The following IFT88 variants were observed in gnomAD, a reference collection of about 807,000 sequenced individuals.
IFT88 encodes the protein intraflagellar transport 88, also known as intraflagellar transport protein 88 homolog.
Under a neutral mutation model 119.5 loss-of-function variants are expected in IFT88, and 74 were observed. The observed-to-expected ratio is 0.62, with a 90% CI of 0.51 to 0.75. The LOEUF (loss-of-function observed/expected upper bound fraction) is 0.75. Among genes scored for constraint, IFT88 ranks in the 30% least tolerant of loss-of-function variants. The pLI is 0.00. For synonymous variants in IFT88, 279 were observed against 316.7 expected, an observed-to-expected ratio of 0.88 and a Z score of 1.26; for missense variants, 961 against 977.7, an observed-to-expected ratio of 0.98 and a Z score of 0.23.
chr13:20,633,515 C>T (rs1385542239), intron 16 of IFT88, among the ~76,000 whole-genome samples: 2 of 152,228 alleles, frequency 1.3e-5, no homozygotes, highest in Admixed American at 6.5e-5. Flanking sequence ...AAGTCCATGG[C>T]GTGAAGCATG....
intron 15 of IFT88, among the ~76,000 whole-genome samples, chr13:20,630,601 T>C (rs1231618590): frequency 1.3e-5 from 2 of 152,114 alleles, no homozygotes; most frequent in Non-Finnish European, 2.9e-5. Context: ...GTCTCACGCC[T>C]ATGCCCAGTC....
chr13:20,574,510 G>C (rs980572606), intron 2 of IFT88, 35 bp downstream of exon 2: 1 of 1,165,236 alleles, frequency 8.6e-7, no homozygotes, highest in African/African-American at 1.5e-5. Context: ...CATTGGTCTT[G>C]GTTAACCAGC....
chr13:20,567,579 C>A, intron 1 of IFT88: 1 of 231,124 alleles, frequency 4.3e-6, no homozygotes, highest in Non-Finnish European at 7.3e-6. Flanking sequence ...TCACGCCTGA[C>A]GGGGAAACTT....
At chr13:20,658,202 T>C in intron 22 of IFT88, among the ~76,000 whole-genome samples, 1 of 151,916 alleles carries the variant, frequency 6.6e-6, no homozygotes, top group Non-Finnish European at 1.5e-5. Context: ...GTTGAAGAGA[T>C]TCTCCTGCTT....
At chr13:20,670,108 A>T (rs1490435728) in intron 23 of IFT88, among the ~76,000 whole-genome samples, 1 of 152,170 alleles carries the variant, frequency 6.6e-6, no homozygotes, top group Non-Finnish European at 1.5e-5. Context: ...GAGTTAAATA[A>T]TTTGTCTTTT....
chr13:20,645,561 C>G (rs898222025), intron 20 of IFT88, among the ~76,000 whole-genome samples: 8 of 152,090 alleles, frequency 5.3e-5, no homozygotes, highest in African/African-American at 1.9e-4. Flanking sequence ...CAGAAAATGA[C>G]TTATCTCAGT....
intron 20 of IFT88, among the ~76,000 whole-genome samples, chr13:20,646,526 G>C (rs1453006243): frequency 2.6e-5 from 4 of 151,878 alleles, no homozygotes; most frequent in Non-Finnish European, 5.9e-5. Context: ...CCATGTTGGT[G>C]AGGCTGGTCT....
Position 20,589,790 on chromosome 13 carries a change from A to G in IFT88, c.154-21A>G, listed in dbSNP as rs200515160. 40 of 1,561,160 alleles carry G rather than the reference A, an allele frequency of 2.6e-5. No homozygotes were observed. In the East Asian group the frequency reaches 5.2e-4, roughly 20 times the overall value. ...TAGCTCAGTCTGAATCCTGTTAACT[A>G]TGTTCTTTTTCCTCCCCAAGATAAC... On this transcript the variant is annotated intron_variant, in intron 3 of 25. Coordinates refer to ENST00000351808, the MANE Select transcript of IFT88 (RefSeq NM_006531.5).
At chr13:20,628,574 G>A (rs1028883720) in intron 15 of IFT88, among the ~76,000 whole-genome samples, 18 of 152,096 alleles carry the variant, frequency 1.2e-4, no homozygotes, top group African/African-American at 4.1e-4. Flanking sequence ...CATATTTTAT[G>A]TAGATTTATG....
intron 24 of IFT88, among the ~76,000 whole-genome samples, chr13:20,676,237 C>CTTCCTGAACTCATCACATCTTT (rs1351226098): frequency 6.6e-6 from 1 of 152,194 alleles, no homozygotes; most frequent in Non-Finnish European, 1.5e-5. Flanking sequence ...CATGGACCAC[C>CTTCCTGAACTCATCACATCTTT]TTCCTGAACT....
intron 3 of IFT88, among the ~76,000 whole-genome samples, chr13:20,588,934 G>A (rs17054108): frequency 0.015 from 2,261 of 152,250 alleles, 60 homozygotes; most frequent in African/African-American, 0.052. Flanking sequence ...CCGGGGCTGC[G>A]TTCTTGGCAG....
intron 14 of IFT88, among the ~76,000 whole-genome samples, chr13:20,622,163 A>G (rs1050873277): frequency 2.0e-5 from 3 of 152,240 alleles, no homozygotes; most frequent in East Asian, 3.9e-4. Flanking sequence ...TCCAATGAGC[A>G]TTTTCTTTGA....
At chr13:20,638,573 T>C in intron 17 of IFT88, 55 bp downstream of exon 17, 1 of 1,274,844 alleles carries the variant, frequency 7.8e-7, no homozygotes, top group South Asian at 2.6e-5. Context: ...TTTGTATTTG[T>C]TTTTGTTTTG....
At chr13:20,571,184 C>T (rs899879734) in intron 1 of IFT88, among the ~76,000 whole-genome samples, 7 of 151,784 alleles carry the variant, frequency 4.6e-5, no homozygotes, top group African/African-American at 7.3e-5. Flanking sequence ...TTAGTAGAGA[C>T]GGGGTTTCAC....
At chr13:20,581,730 G>C (rs2038697318) in intron 2 of IFT88, among the ~76,000 whole-genome samples, 1 of 151,848 alleles carries the variant, frequency 6.6e-6, no homozygotes, top group Admixed American at 6.6e-5. Context: ...GTGTGTGCCT[G>C]TAGTCCCAGC....
At chr13:20,647,516 T>G (rs2050931503) in intron 20 of IFT88, among the ~76,000 whole-genome samples, 1 of 152,200 alleles carries the variant, frequency 6.6e-6, no homozygotes, top group Admixed American at 6.5e-5. Flanking sequence ...ATTTTTATGG[T>G]TTTTAATAAT....
At chr13:20,585,549 C>G (rs541988606) in intron 3 of IFT88, among the ~76,000 whole-genome samples, 1 of 152,264 alleles carries the variant, frequency 6.6e-6, no homozygotes, top group African/African-American at 2.4e-5. Context: ...GAGGCTTGAT[C>G]ACATACCACC....
chr13:20,579,463 C>T (rs2038111421), intron 2 of IFT88, among the ~76,000 whole-genome samples: 2 of 152,302 alleles, frequency 1.3e-5, no homozygotes, highest in Admixed American at 6.5e-5. Context: ...ACCAGGGTAT[C>T]GCCAATGTTT....
At position 20,663,349 on chromosome 13, in the gene IFT88, G is replaced by T. The variant is rs148131367; in HGVS notation, c.2069-149G>T. The stretch of plus-strand genomic sequence containing the variant: ...GTCAGTTCTCCCTGGTCCAGAGATT[G>T]CAAAGTGTAATTATTTTTCAGGAGA... On this transcript the variant is annotated intron_variant, in intron 22 of 25. Transcript: ENST00000351808. The T allele has an allele frequency of 1.9e-3, 2,869 of 1,522,114 alleles. 48 individuals are homozygous for T. In the African/African-American group the frequency reaches 0.033, roughly 17 times the overall value. The allele number at this position is 1,522,114 out of a possible 1,614,324, so 94.3% of individuals were successfully genotyped here. A position where few individuals can be genotyped will look rare whatever the true frequency, so the allele number is the denominator to read the frequency against.
Sources: allele counts gnomAD v4.1 joint callset (sites outside exome capture counted in the v4.1 genomes callset), GRCh38; gene constraint gnomAD v4.1.1; transcripts MANE v1.5; gene names NCBI Gene and HGNC (gene_info 2026-07-23, HGNC 2026-07-21).